Variants in FAM184B observed in about 807,000 individuals in gnomAD.
The protein encoded by FAM184B is protein FAM184B.
Under a neutral mutation model 135.9 loss-of-function variants are expected in FAM184B, and 111 were observed. That is an observed-to-expected ratio of 0.82 (90% confidence interval 0.70 to 0.96). The LOEUF is 0.96. Among genes scored for constraint, FAM184B ranks in the 40% least tolerant of loss-of-function variants. The probability of loss-of-function intolerance (pLI) is 0.00; values close to 1 mark genes in which losing one functional copy is unlikely to be tolerated. For missense variants in FAM184B, 1,375 were observed against 1,323.9 expected (o/e 1.04, Z -0.60); for synonymous variants, 552 against 524.8 (o/e 1.05, Z -0.71).
chr4:17,776,777 T>C (rs1718936443), intron 1 of FAM184B, among the ~76,000 whole-genome samples: 1 of 152,182 alleles, frequency 6.6e-6, no homozygotes, highest in Admixed American at 6.5e-5. Context: ...AAGCAGATTT[T>C]ACTTTTAGAG....
At chr4:17,707,374 A>C (rs1032788104) in intron 3 of FAM184B, among the ~76,000 whole-genome samples, 5 of 152,188 alleles carry the variant, frequency 3.3e-5, no homozygotes, top group African/African-American at 1.2e-4. Context: ...AATTTCAGGC[A>C]CTGTGGTGAG....
intron 2 of FAM184B, among the ~76,000 whole-genome samples, 168 bp downstream of exon 2, chr4:17,708,724 G>C (rs1227578653): frequency 5.6e-5 from 7 of 125,548 alleles, no homozygotes; most frequent in African/African-American, 1.5e-4. Context: ...CTGTGTGTGT[G>C]TGTGTGTGTG....
In FAM184B at chr4:17,705,976, C is replaced by T. The variant is rs778549222; in HGVS notation, c.1031-85G>A. ...GCTTTCTGCTGTCAGGCCCCCGTTC[C>T]GCTTTACAACCACTTTGTCCAACAT... is the stretch of plus-strand genomic sequence containing the variant. On this transcript the variant is annotated intron_variant, in intron 3 of 17. Coordinates refer to ENST00000265018, the MANE Select transcript of FAM184B (RefSeq NM_015688.2). 74 of 1,500,736 alleles carry T rather than the reference C, an allele frequency of 4.9e-5. No homozygotes were observed. In the African/African-American group the frequency reaches 6.4e-4, roughly 13 times the overall value. The allele number at this position is 1,500,736 out of a possible 1,614,324, so 93.0% of individuals were successfully genotyped here.
At chr4:17,701,934 T>C (rs955471500) in intron 5 of FAM184B, among the ~76,000 whole-genome samples, 19 of 152,198 alleles carry the variant, frequency 1.2e-4, no homozygotes, top group Admixed American at 1.2e-3. Flanking sequence ...GGAACTGAAA[T>C]TTAAATTTTA....
In FAM184B at chr4:17,721,383, CAAAA is replaced by C. The variant is rs61539641; in HGVS notation, c.142-11743_142-11740del. Among the ~76,000 whole-genome samples the C allele has an allele frequency of 7.4e-4, 35 of 47,394 alleles. No homozygotes were observed. In the East Asian group the frequency reaches 8.1e-3, roughly 11 times the overall value. The allele number at this position is 47,394 out of a possible 152,430, so 31.1% of individuals were successfully genotyped here. On this transcript the variant is annotated intron_variant, in intron 1 of 17. Coordinates refer to ENST00000265018, the MANE Select transcript of FAM184B (RefSeq NM_015688.2). The stretch of plus-strand genomic sequence containing the variant: ...TGGGCGACAGAGAAAGATTCTGTCT[CAAAA>C]AAAAAAAAAAAAAAAAAAATCTCTT...
intron 16 of FAM184B, among the ~76,000 whole-genome samples, chr4:17,634,272 G>A (rs946789666): frequency 3.3e-5 from 5 of 152,124 alleles, no homozygotes; most frequent in Middle Eastern, 3.2e-3. Flanking sequence ...AAAACTACAC[G>A]AGATGACATT....
chr4:17,734,390 A>C (rs948617284), intron 1 of FAM184B, among the ~76,000 whole-genome samples: 4 of 152,174 alleles, frequency 2.6e-5, no homozygotes, highest in Non-Finnish European at 4.4e-5. Flanking sequence ...CAGAGTGAAC[A>C]GGCAACCTAC....
intron 17 of FAM184B, 172 bp from the exon 18 acceptor site, chr4:17,632,797 A>G (rs7669147): frequency 1.9e-6 from 1 of 533,960 alleles, no homozygotes. Flanking sequence ...GGGGCTGGGG[A>G]GGGAGTACCT....
At chr4:17,687,888 A>G (rs925299434) in intron 7 of FAM184B, among the ~76,000 whole-genome samples, 10 of 152,134 alleles carry the variant, frequency 6.6e-5, no homozygotes, top group African/African-American at 2.4e-4. Flanking sequence ...TGAAGCCACC[A>G]AGTACATGGT....
chr4:17,750,151 G>A (rs1718262173), intron 1 of FAM184B, among the ~76,000 whole-genome samples: 1 of 152,198 alleles, frequency 6.6e-6, no homozygotes, highest in South Asian at 2.1e-4. Context: ...ACATTTTTAA[G>A]AGTCATCATA....
At chr4:17,710,465 A>G (rs1284210953) in intron 1 of FAM184B, among the ~76,000 whole-genome samples, 1 of 152,232 alleles carries the variant, frequency 6.6e-6, no homozygotes, top group Non-Finnish European at 1.5e-5. Flanking sequence ...CTCAATAGAC[A>G]CAGAAAAAAA....
At chr4:17,779,885 C>T (rs1304036339) in intron 1 of FAM184B, among the ~76,000 whole-genome samples, 1 of 152,202 alleles carries the variant, frequency 6.6e-6, no homozygotes, top group African/African-American at 2.4e-5. Context: ...AGATGCCTTG[C>T]ACTGTGCCAA....
intron 10 of FAM184B, among the ~76,000 whole-genome samples, chr4:17,653,545 C>A (rs2108938169): frequency 1.3e-5 from 2 of 152,076 alleles, no homozygotes; most frequent in East Asian, 3.9e-4. Context: ...CTTTTTTTCC[C>A]TACTTTTTAT....
At position 17,709,184 on chromosome 4, in the gene FAM184B, T is replaced by G. The variant is rs1232453981; in HGVS notation, c.602A>C (p.Gln201Pro). 2 of 1,548,394 alleles carry G rather than the reference T, an allele frequency of 1.3e-6. No homozygotes were observed. Among genetic ancestry groups the G allele is most frequent in the Non-Finnish European group, 1.7e-6 (2 of 1,146,852 alleles). The change falls in exon 2 of 18, where the codon CAG becomes CCG. Residue 201 changes from glutamine (Q) to proline (P), a missense_variant. Transcript: ENST00000265018. ...CTGCTGGTTCTCCACTCGCAGCCGC[T>G]GCACCTCTAGCAGGACCTCCTGCAT... is the stretch of plus-strand genomic sequence containing the variant. The part of the protein sequence containing the change: ...PEMQEVLLEV[Q>P]RLRVENQQLS...
At chr4:17,719,239 T>C (rs947535236) in intron 1 of FAM184B, among the ~76,000 whole-genome samples, 1 of 152,184 alleles carries the variant, frequency 6.6e-6, no homozygotes, top group African/African-American at 2.4e-5. Context: ...CTGTGACAGT[T>C]GATCTGATAA....
Position 17,631,224 on chromosome 4 carries a change from T to C in FAM184B, c.*1308A>G, listed in dbSNP as rs1714929920. ...GTTCAGGGGATATATATATATATTT[T>C]TTTAATCTGTAGAGATGGGATCTCA... On this transcript the variant is annotated 3_prime_UTR_variant, in exon 18 of 18. Coordinates refer to ENST00000265018, the MANE Select transcript of FAM184B (RefSeq NM_015688.2). 1 of 152,168 alleles carries C rather than the reference T, an allele frequency of 6.6e-6. No homozygotes were observed. Among genetic ancestry groups the C allele is most frequent in the South Asian group, 2.1e-4 (1 of 4,832 alleles). 9.4% of individuals were successfully genotyped at this position (152,168 alleles called of 1,614,324 possible). A position where few individuals can be genotyped will look rare whatever the true frequency, so the allele number is the denominator to read the frequency against.
At chr4:17,743,332 T>C (rs530987758) in intron 1 of FAM184B, among the ~76,000 whole-genome samples, 2 of 152,108 alleles carry the variant, frequency 1.3e-5, no homozygotes, top group East Asian at 3.9e-4. Context: ...ACCGAAGAAT[T>C]TAGATTCACT....
chr4:17,746,856 G>A (rs1718179075), intron 1 of FAM184B, among the ~76,000 whole-genome samples: 1 of 151,818 alleles, frequency 6.6e-6, no homozygotes, highest in African/African-American at 2.4e-5. Flanking sequence ...TGACCAACAT[G>A]GAGAAACCCC....
intron 1 of FAM184B, among the ~76,000 whole-genome samples, chr4:17,717,421 C>T (rs1446591102): frequency 6.6e-6 from 1 of 152,140 alleles, no homozygotes; most frequent in Non-Finnish European, 1.5e-5. Flanking sequence ...CCTCACAGGT[C>T]GCTTGGCAAC....
Sources: gnomAD v4.1 joint callset for allele counts (sites outside exome capture counted in the v4.1 genomes callset) on GRCh38, gnomAD v4.1.1 for gene constraint, MANE v1.5 for transcripts, NCBI Gene and HGNC (gene_info 2026-07-23, HGNC 2026-07-21) for gene names.